Variants in STRN observed in about 807,000 individuals in gnomAD.
The protein encoded by STRN is striatin.
In STRN, 53 loss-of-function variants were observed where a neutral mutation model predicts 96.3. The ratio of observed to expected loss-of-function variants is 0.55; its 90% CI spans 0.44 to 0.69. STRN has a LOEUF of 0.69. Ranked by LOEUF, STRN falls within the 30% of genes least tolerant of loss-of-function variation. STRN has a pLI of 0.00. For missense variants in STRN, 987 were observed against 963.9 expected (o/e 1.02, Z -0.32); for synonymous variants, 428 against 355.9 (o/e 1.20, Z -2.28).
At chr2:36,932,695 C>T (rs1254165624) in intron 1 of STRN, among the ~76,000 whole-genome samples, 2 of 152,056 alleles carry the variant, frequency 1.3e-5, no homozygotes, top group South Asian at 2.1e-4. Flanking sequence ...CTTGAACTCC[C>T]GGGCTCAAGT....
intron 1 of STRN, among the ~76,000 whole-genome samples, chr2:36,933,613 A>G (rs1670628152): frequency 6.6e-6 from 1 of 152,182 alleles, no homozygotes; most frequent in African/African-American, 2.4e-5. Context: ...CTAGCCTAAC[A>G]CCAAGCATTT....
chr2:36,850,794 T>C (rs201534139), intron 16 of STRN, among the ~76,000 whole-genome samples: 1 of 152,118 alleles, frequency 6.6e-6, no homozygotes, highest in Non-Finnish European at 1.5e-5. Context: ...CACTATTAAA[T>C]AAACCAAAAT....
rs1486886684 is a variant in STRN, at chr2:36,838,817, TA to T, written c.*10638del. ...AAGGAAATAAGAGCTATGATAGACT[TA>T]GAGAAATTCTCATCCTACATTGTTA... On this transcript the variant is annotated 3_prime_UTR_variant, in exon 18 of 18. Coordinates refer to ENST00000263918, the MANE Select transcript of STRN (RefSeq NM_003162.4). 6.6e-6 allele frequency among the ~76,000 whole-genome samples: 1 copy of T among 152,166 alleles called. No individual in the cohort carries two copies. The highest frequency in any genetic ancestry group is 2.4e-5 in the African/African-American group (1 of 41,458).
intron 1 of STRN, among the ~76,000 whole-genome samples, chr2:36,963,282 C>A (rs1390747542): frequency 6.6e-6 from 1 of 152,160 alleles, no homozygotes; most frequent in Non-Finnish European, 1.5e-5. Context: ...GCAGGACTGA[C>A]AGGTTCTTGA....
chr2:36,918,402 T>TA (rs1670167154), intron 2 of STRN, among the ~76,000 whole-genome samples: 1 of 152,050 alleles, frequency 6.6e-6, no homozygotes, highest in Non-Finnish European at 1.5e-5. Flanking sequence ...GAAGACAGAT[T>TA]ATATTAAAGC....
intron 1 of STRN, among the ~76,000 whole-genome samples, chr2:36,944,169 AACAG>A (rs1217519543): frequency 2.6e-5 from 4 of 152,298 alleles, no homozygotes; most frequent in South Asian, 2.1e-4. Context: ...TATACACACT[AACAG>A]ACAGTTGAAA....
chr2:36,949,375 C>T (rs1664698304), intron 1 of STRN, among the ~76,000 whole-genome samples: 1 of 152,064 alleles, frequency 6.6e-6, no homozygotes, highest in African/African-American at 2.4e-5. Flanking sequence ...TCTAATCGTG[C>T]AGAGATTTAA....
chr2:36,963,036 T>G (rs1050914922), intron 1 of STRN, among the ~76,000 whole-genome samples: 5 of 152,164 alleles, frequency 3.3e-5, no homozygotes, highest in Non-Finnish European at 7.3e-5. Context: ...TTTCCCCCCA[T>G]GAACTACTGC....
chr2:36,924,985 G>A (rs769510100), intron 2 of STRN, 120 bp downstream of exon 2: 17 of 764,122 alleles, frequency 2.2e-5, no homozygotes, highest in Non-Finnish European at 3.7e-5. Context: ...GAAACCGGGA[G>A]GCGGAGGTCG....
At chr2:36,938,429 TAA>T (rs1317648334) in intron 1 of STRN, among the ~76,000 whole-genome samples, 17 of 137,536 alleles carry the variant, frequency 1.2e-4, no homozygotes, top group Non-Finnish European at 1.1e-4. Flanking sequence ...CTGTCTCAAT[TAA>T]AAAAAAAAAA....
At chr2:36,905,430 A>G in intron 4 of STRN, 110 bp downstream of exon 4, 1 of 945,678 alleles carries the variant, frequency 1.1e-6, no homozygotes. Context: ...TTTTCACAGC[A>G]TCTGTATGAG....
At chr2:36,963,867 G>A (rs1665088627) in intron 1 of STRN, among the ~76,000 whole-genome samples, 1 of 144,932 alleles carries the variant, frequency 6.9e-6, no homozygotes. Flanking sequence ...TGAGGCAGAA[G>A]GATTGCTTAA....
intron 4 of STRN, 57 bp from the exon 5 acceptor site, chr2:36,902,808 A>C (rs1374242171): frequency 7.2e-7 from 1 of 1,387,396 alleles, no homozygotes; most frequent in East Asian, 2.4e-5. Flanking sequence ...TCTATAATTT[A>C]ATATGTAAAT....
At chr2:36,919,858 C>T (rs1028663186) in intron 2 of STRN, among the ~76,000 whole-genome samples, 1 of 152,112 alleles carries the variant, frequency 6.6e-6, no homozygotes, top group African/African-American at 2.4e-5. Flanking sequence ...GTTCCTAAGT[C>T]AACCTCAGAT....
Position 36,843,821 on chromosome 2 carries a change from A to G in STRN, c.*5635T>C, listed in dbSNP as rs189164891. On this transcript the variant is annotated 3_prime_UTR_variant, in exon 18 of 18. Coordinates refer to ENST00000263918, the MANE Select transcript of STRN (RefSeq NM_003162.4). The stretch of plus-strand genomic sequence containing the variant: ...TTATCTATATTTGTACACTTTATTT[A>G]AAAACAAATAATACACTTAGAGCCA... 1 of 152,332 alleles carries G rather than the reference A, an allele frequency of 6.6e-6. No individual in the cohort carries two copies. Among genetic ancestry groups the G allele is most frequent in the Non-Finnish European group, 1.5e-5 (1 of 68,028 alleles). 9.4% of individuals were successfully genotyped at this position (152,332 alleles called of 1,614,324 possible).
intron 15 of STRN, 33 bp from the exon 16 acceptor site, chr2:36,851,140 TAGTC>T (rs1478472378): frequency 2.0e-6 from 3 of 1,528,436 alleles, no homozygotes; most frequent in Non-Finnish European, 2.7e-6. Context: ...CAACACAACT[TAGTC>T]AAAGATATTT....
intron 6 of STRN, among the ~76,000 whole-genome samples, chr2:36,898,363 C>A (rs1180312893): frequency 1.3e-5 from 2 of 152,154 alleles, no homozygotes; most frequent in Admixed American, 6.5e-5. Flanking sequence ...ATTACTACTT[C>A]TTTGGATAAG....
chr2:36,880,361 G>A (rs1669036506), intron 9 of STRN, among the ~76,000 whole-genome samples: 1 of 152,150 alleles, frequency 6.6e-6, no homozygotes, highest in South Asian at 2.1e-4. Context: ...GATCTCTTGA[G>A]CCCAGGAGTT....
intron 1 of STRN, among the ~76,000 whole-genome samples, chr2:36,960,409 C>G (rs1413738867): frequency 6.6e-6 from 1 of 152,176 alleles, no homozygotes; most frequent in Admixed American, 6.5e-5. Context: ...ACTGCATGGC[C>G]TCAGGATGGC....
Sources: allele counts gnomAD v4.1 joint callset (sites outside exome capture counted in the v4.1 genomes callset), GRCh38; gene constraint gnomAD v4.1.1; transcripts MANE v1.5; gene names NCBI Gene and HGNC (gene_info 2026-07-23, HGNC 2026-07-21).